CFAP58: variants seen among roughly 807,000 people sequenced by gnomAD.
CFAP58 encodes cilia- and flagella-associated protein 58.
CFAP58 carries 88 observed loss-of-function variants against 119.5 expected under a neutral mutation model. The ratio of observed to expected loss-of-function variants is 0.74; its 90% confidence interval spans 0.62 to 0.88. CFAP58 has a LOEUF of 0.88. CFAP58 is among the 40% of genes least tolerant of loss of function. CFAP58 has a pLI of 0.00. For synonymous variants in CFAP58, 365 were observed against 366.3 expected (o/e 1.00, Z 0.04); for missense variants, 990 against 1,021.2 (o/e 0.97, Z 0.42).
chr10:104,365,135 A>G (rs919187709), intron 4 of CFAP58, among the ~76,000 whole-genome samples: 7 of 152,122 alleles, frequency 4.6e-5, no homozygotes, highest in African/African-American at 1.7e-4. Flanking sequence ...CTCCCTACTT[A>G]CAATTCTGGC....
At chr10:104,347,684 T>A in the CFAP58 span, among the ~76,000 whole-genome samples, 3 of 150,174 alleles carry the variant, frequency 2.0e-5, no homozygotes, top group Non-Finnish European at 4.4e-5. Context: ...GGCTTTAAAA[T>A]TTTTTTTTTA....
intron 17 of CFAP58, 49 bp downstream of exon 17, chr10:104,450,253 A>G (rs371303973): frequency 6.3e-7 from 1 of 1,587,390 alleles, no homozygotes; most frequent in African/African-American, 1.4e-5. Context: ...TTATCTGCAC[A>G]TAAGAAAATA....
intron 9 of CFAP58, among the ~76,000 whole-genome samples, chr10:104,387,122 A>T (rs756047235): frequency 6.6e-5 from 10 of 152,182 alleles, no homozygotes; most frequent in South Asian, 2.1e-4. Flanking sequence ...AGAATCCCAA[A>T]CCTTTTCCTA....
intron 1 of CFAP58, among the ~76,000 whole-genome samples, chr10:104,358,008 CACAT>C (rs2014609186): frequency 1.5e-5 from 2 of 130,556 alleles, no homozygotes; most frequent in South Asian, 2.3e-4. Context: ...CACATATATA[CACAT>C]ATATGTACAT....
At chr10:104,352,692 G>A (rs2014475465), upstream of CFAP58, among the ~76,000 whole-genome samples, 1 of 152,322 alleles carries the variant, frequency 6.6e-6, no homozygotes, top group Non-Finnish European at 1.5e-5. Context: ...GGACAAAGAC[G>A]ATCATGGCTG....
At chr10:104,358,655 A>G (rs2014628260) in intron 2 of CFAP58, 33 bp downstream of exon 2, 1 of 1,581,540 alleles carries the variant, frequency 6.3e-7, no homozygotes. Flanking sequence ...AATGAACCTG[A>G]ATTTAAAACA....
intron 9 of CFAP58, among the ~76,000 whole-genome samples, chr10:104,380,745 C>T (rs144515944): frequency 9.3e-4 from 141 of 152,288 alleles, no homozygotes; most frequent in African/African-American, 3.2e-3. Flanking sequence ...CTCCTGCAAT[C>T]TCAGCACTAG....
intron 15 of CFAP58, among the ~76,000 whole-genome samples, chr10:104,435,896 G>T (rs981397368): frequency 6.6e-6 from 1 of 152,126 alleles, no homozygotes; most frequent in Non-Finnish European, 1.5e-5. Context: ...ACCATCTTCT[G>T]CCTGAAGCCT....
intron 1 of CFAP58, among the ~76,000 whole-genome samples, chr10:104,357,844 TGTA>T (rs2014573030): frequency 1.4e-5 from 1 of 71,586 alleles, no homozygotes; most frequent in African/African-American, 8.7e-5. Context: ...TGTACACATA[TGTA>T]CACATATATA....
At chr10:104,413,574 T>TCA (rs2012494724) in intron 15 of CFAP58, among the ~76,000 whole-genome samples, 2 of 152,158 alleles carry the variant, frequency 1.3e-5, no homozygotes, top group African/African-American at 4.8e-5. Flanking sequence ...TCCTTGCTGT[T>TCA]GTTGCTTCAT....
intron 1 of CFAP58, among the ~76,000 whole-genome samples, chr10:104,357,990 T>C (rs894062112): frequency 1.4e-5 from 2 of 143,014 alleles, no homozygotes; most frequent in Non-Finnish European, 3.0e-5. Context: ...TATGTACACA[T>C]ATATGTACAC....
chr10:104,353,758 G>A (rs1249590778), upstream of CFAP58: 6 of 948,834 alleles, frequency 6.3e-6, no homozygotes, highest in African/African-American at 4.9e-5. Flanking sequence ...CAGGCGACGG[G>A]CCGACGCGCC....
chr10:104,423,899 C>A (rs912013565), intron 15 of CFAP58, among the ~76,000 whole-genome samples: 2 of 152,158 alleles, frequency 1.3e-5, no homozygotes, highest in African/African-American at 4.8e-5. Flanking sequence ...GTGCTTCTTA[C>A]AAGGATGAGA....
chr10:104,425,001 G>A (rs548460643), intron 15 of CFAP58, among the ~76,000 whole-genome samples: 24 of 152,152 alleles, frequency 1.6e-4, no homozygotes, highest in Non-Finnish European at 3.2e-4. Flanking sequence ...CTGACCTTGG[G>A]CAAGTAACTA....
chr10:104,438,424 G>A lies in CFAP58; in HGVS notation c.2257-9274G>A, dbSNP rs562884970. Among the ~76,000 whole-genome samples the A allele has an allele frequency of 6.6e-4, 95 of 143,884 alleles. 1 individual carries two copies. The highest frequency in any genetic ancestry group is 1.1e-3 in the Non-Finnish European group (75 of 67,024). 94.4% of individuals were successfully genotyped at this position (143,884 alleles called of 152,430 possible). ...CGCTCTGTCGCCCAGGCCAGACTGC[G>A]GACTGCAGTGGCGCAATCTCGGCTC... On this transcript the variant is annotated intron_variant, in intron 15 of 17. Coordinates refer to ENST00000369704, the MANE Select transcript of CFAP58 (RefSeq NM_001008723.2).
At chr10:104,413,391 G>C (rs756327065) in intron 15 of CFAP58, among the ~76,000 whole-genome samples, 6 of 152,152 alleles carry the variant, frequency 3.9e-5, no homozygotes, top group Non-Finnish European at 7.3e-5. Context: ...AATGGTTCTT[G>C]AGACTAACTT....
At chr10:104,414,771 G>T (rs1311140125) in intron 15 of CFAP58, among the ~76,000 whole-genome samples, 1 of 152,146 alleles carries the variant, frequency 6.6e-6, no homozygotes, top group Non-Finnish European at 1.5e-5. Flanking sequence ...CCGGGTTCAC[G>T]CCATTCTCCT....
intron 14 of CFAP58, among the ~76,000 whole-genome samples, chr10:104,404,941 A>T (rs1439334221): frequency 6.6e-6 from 1 of 152,234 alleles, no homozygotes; most frequent in Non-Finnish European, 1.5e-5. Context: ...TGGAAAAGAC[A>T]ATATGTATTT....
At position 104,382,124 on chromosome 10, in the gene CFAP58, A is replaced by G. The variant is rs1414218255; in HGVS notation, c.1365+1904A>G. ...CCCTCCTTTTTGTCCTCTTCTTTCC[A>G]GGCTGACTCTGTCAGGATGCCCTGG... On this transcript the variant is annotated intron_variant, in intron 9 of 17. Transcript: ENST00000369704. 21 of 717,344 alleles carry G rather than the reference A, an allele frequency of 2.9e-5. No homozygotes were observed. In the East Asian group the frequency reaches 5.6e-4, roughly 19 times the overall value. 44.4% of individuals were successfully genotyped at this position (717,344 alleles called of 1,614,324 possible). A position where few individuals can be genotyped will look rare whatever the true frequency, so the allele number is the denominator to read the frequency against.
Sources: gnomAD v4.1 joint callset for allele counts (sites outside exome capture counted in the v4.1 genomes callset) on GRCh38, gnomAD v4.1.1 for gene constraint, MANE v1.5 for transcripts, NCBI Gene and HGNC (gene_info 2026-07-23, HGNC 2026-07-21) for gene names.